The following PHACTR4 variants were observed in gnomAD, a reference collection of about 807,000 sequenced individuals.
PHACTR4 encodes protein phosphatase 1, regulatory subunit 124.
In PHACTR4, 51 loss-of-function variants were observed where a neutral mutation model predicts 72.7. That is an observed-to-expected ratio of 0.70 (90% CI 0.56 to 0.89). The LOEUF (loss-of-function observed/expected upper bound fraction) is 0.89, where lower values mean the gene tolerates loss of function less well. Ranked by LOEUF, PHACTR4 falls within the 40% of genes least tolerant of loss-of-function variation. The pLI, the probability that PHACTR4 is intolerant of heterozygous loss-of-function variation, is 0.00. For missense variants in PHACTR4, 731 were observed against 861.8 expected (o/e 0.85, Z 1.90); for synonymous variants, 255 against 302.5 (o/e 0.84, Z 1.63).
rs747826049 is a variant in PHACTR4, at chr1:28,448,589, T to TAA, written c.17-10474_17-10473dup. Among the ~76,000 whole-genome samples, 52 of 95,808 alleles carry TAA rather than the reference T, an allele frequency of 5.4e-4. No homozygotes were observed. In the South Asian group the frequency reaches 0.014, roughly 26 times the overall value. The allele number at this position is 95,808 out of a possible 152,430, so 62.9% of individuals were successfully genotyped here. A position where few individuals can be genotyped will look rare whatever the true frequency, so the allele number is the denominator to read the frequency against. On this transcript the variant is annotated intron_variant, in intron 2 of 13. Coordinates refer to ENST00000373839, the MANE Select transcript of PHACTR4 (RefSeq NM_001048183.3). ...AACACAGTGAAATCCCATCTCTACT[T>TAA]AAAAAAAAAAAAAAAAAAAAAAATT...
intron 2 of PHACTR4, among the ~76,000 whole-genome samples, chr1:28,427,283 C>T (rs1402490934): frequency 2.0e-5 from 3 of 151,984 alleles, no homozygotes; most frequent in Non-Finnish European, 2.9e-5. Context: ...CCCAGCACTT[C>T]GGGAGGCAGC....
Position 28,459,271 on chromosome 1 carries a change from G to A in PHACTR4, c.190+13G>A. 3 of 1,604,440 alleles carry A rather than the reference G, an allele frequency of 1.9e-6. No homozygotes were observed. The highest frequency in any genetic ancestry group is 2.6e-6 in the Non-Finnish European group (3 of 1,172,906). On this transcript the variant is annotated intron_variant, in intron 3 of 13. Transcript: ENST00000373839. The stretch of plus-strand genomic sequence containing the variant: ...GAGACTTCAGAAGGTGAGATATTAA[G>A]GGTTAAATGTGTGTTCTGAGTTAGA...
intron 2 of PHACTR4, among the ~76,000 whole-genome samples, chr1:28,409,836 CT>C (rs1320787299): frequency 1.1e-4 from 16 of 151,326 alleles, no homozygotes; most frequent in African/African-American, 3.9e-4. Flanking sequence ...CCTTGGCTTT[CT>C]TTCCCCCCTG....
At chr1:28,422,939 A>C (rs1406358712) in intron 2 of PHACTR4, among the ~76,000 whole-genome samples, 1 of 152,186 alleles carries the variant, frequency 6.6e-6, no homozygotes, top group Non-Finnish European at 1.5e-5. Context: ...GGCGCATGCC[A>C]CTGCGCCCAG....
At chr1:28,417,044 T>C (rs1183165177) in intron 2 of PHACTR4, among the ~76,000 whole-genome samples, 2 of 152,166 alleles carry the variant, frequency 1.3e-5, no homozygotes, top group African/African-American at 2.4e-5. Context: ...TGCTTTTTTT[T>C]TTCTTTTTTT....
chr1:28,408,715 G>A (rs1052221981), intron 2 of PHACTR4, among the ~76,000 whole-genome samples: 8 of 149,918 alleles, frequency 5.3e-5, no homozygotes, highest in African/African-American at 1.7e-4. Context: ...TCACTCTGTC[G>A]CCCAGGCTGG....
chr1:28,478,930 G>A (rs1660093433), intron 8 of PHACTR4, among the ~76,000 whole-genome samples: 1 of 152,128 alleles, frequency 6.6e-6, no homozygotes, highest in Non-Finnish European at 1.5e-5. Flanking sequence ...CCTATTTTCA[G>A]TTTTTTAAGG....
intron 1 of PHACTR4, among the ~76,000 whole-genome samples, chr1:28,377,070 T>C (rs11247794): frequency 0.39 from 58,530 of 151,334 alleles, 13,085 homozygotes; most frequent in African/African-American, 0.61. Context: ...GCTGGGATTA[T>C]AGGCGCTCAC....
intron 2 of PHACTR4, among the ~76,000 whole-genome samples, chr1:28,448,329 C>G (rs1407580609): frequency 2.6e-5 from 4 of 151,028 alleles, no homozygotes; most frequent in Non-Finnish European, 1.5e-5. Flanking sequence ...CTCCTGACCT[C>G]AGGTGATCAC....
intron 2 of PHACTR4, among the ~76,000 whole-genome samples, chr1:28,412,157 A>G (rs991242879): frequency 6.6e-6 from 1 of 152,240 alleles, no homozygotes; most frequent in African/African-American, 2.4e-5. Context: ...TAAATTTTCC[A>G]AAATAGGAAT....
Position 28,496,558 on chromosome 1 carries a change from G to T in PHACTR4, c.*9G>T, listed in dbSNP as rs756965585. The T allele has an allele frequency of 6.2e-6, 10 of 1,613,750 alleles. No homozygotes were observed. The highest frequency in any genetic ancestry group is 7.6e-6 in the Non-Finnish European group (9 of 1,179,890). ...GCTACCATCGTCCATGATGCCAAAGGTTGAGAGAGGAATCAACATGGCTGC... is the reference window on the plus strand; with the variant it reads ...GCTACCATCGTCCATGATGCCAAAGTTTGAGAGAGGAATCAACATGGCTGC... On this transcript the variant is annotated 3_prime_UTR_variant, in exon 14 of 14. Transcript: ENST00000373839.
intron 2 of PHACTR4, among the ~76,000 whole-genome samples, chr1:28,407,838 G>T (rs1401994908): frequency 6.6e-6 from 1 of 152,168 alleles, no homozygotes; most frequent in Non-Finnish European, 1.5e-5. Context: ...CTCTATCTTA[G>T]CCAGGAGTGG....
At chr1:28,376,134 C>A (rs12131892) in intron 1 of PHACTR4, among the ~76,000 whole-genome samples, 1 of 151,574 alleles carries the variant, frequency 6.6e-6, no homozygotes, top group African/African-American at 2.4e-5. Context: ...CTACCATAAC[C>A]AAATTATGTA....
At chr1:28,402,848 A>T (rs909573937) in intron 1 of PHACTR4, among the ~76,000 whole-genome samples, 7 of 152,216 alleles carry the variant, frequency 4.6e-5, no homozygotes, top group African/African-American at 1.7e-4. Context: ...GAAACTTTCC[A>T]TCACAAACCA....
intron 10 of PHACTR4, chr1:28,489,897 A>G: frequency 1.9e-6 from 1 of 518,876 alleles, no homozygotes; most frequent in Non-Finnish European, 3.8e-6. Context: ...CTACTTGGGT[A>G]TACACAACTT....
At chr1:28,382,513 C>A (rs1040710337) in intron 1 of PHACTR4, among the ~76,000 whole-genome samples, 3 of 151,882 alleles carry the variant, frequency 2.0e-5, no homozygotes, top group Non-Finnish European at 4.4e-5. Flanking sequence ...CCGTGCTAGC[C>A]GGGATGGTCT....
At chr1:28,410,737 G>A (rs1654723545) in intron 2 of PHACTR4, among the ~76,000 whole-genome samples, 1 of 151,836 alleles carries the variant, frequency 6.6e-6, no homozygotes, top group Non-Finnish European at 1.5e-5. Context: ...ACGGAGTTTT[G>A]CTCTTGTCGC....
chr1:28,442,741 A>G (rs1557816803), intron 2 of PHACTR4, among the ~76,000 whole-genome samples: 1 of 152,048 alleles, frequency 6.6e-6, no homozygotes, highest in Non-Finnish European at 1.5e-5. Context: ...CCTGACCTCA[A>G]GTGATCCGCC....
intron 1 of PHACTR4, among the ~76,000 whole-genome samples, chr1:28,399,290 C>A (rs765193027): frequency 6.6e-6 from 1 of 151,468 alleles, no homozygotes; most frequent in African/African-American, 2.4e-5. Flanking sequence ...CCAGCCTGGG[C>A]GACAGAGCAA....
Sources: gnomAD v4.1 joint callset for allele counts (sites outside exome capture counted in the v4.1 genomes callset) on GRCh38, gnomAD v4.1.1 for gene constraint, MANE v1.5 for transcripts, NCBI Gene and HGNC (gene_info 2026-07-23, HGNC 2026-07-21) for gene names.